Variants in PLEKHB2 observed in about 807,000 individuals in gnomAD.
The protein encoded by PLEKHB2 is pleckstrin homology domain-containing family B member 2.
Under a neutral mutation model 36.5 loss-of-function variants are expected in PLEKHB2, and 31 were observed. The observed-to-expected ratio is 0.85, with a 90% CI of 0.64 to 1.15. PLEKHB2 has a LOEUF of 1.15. Among genes scored for constraint, PLEKHB2 ranks in the 50% most tolerant of loss-of-function variants. The probability of loss-of-function intolerance (pLI) is 0.00; values close to 1 mark genes in which losing one functional copy is unlikely to be tolerated. For missense variants in PLEKHB2, 262 were observed against 295.3 expected (o/e 0.89, Z 0.83); for synonymous variants, 119 against 112.0 (o/e 1.06, Z -0.39).
chr2:131,132,697 C>G (rs1480804932), intron 5 of PLEKHB2, among the ~76,000 whole-genome samples: 1 of 152,176 alleles, frequency 6.6e-6, no homozygotes, highest in Non-Finnish European at 1.5e-5. Flanking sequence ...CGAGTGAGGA[C>G]CACTTTGCTC....
intron 7 of PLEKHB2, among the ~76,000 whole-genome samples, chr2:131,142,884 C>A (rs923264952): frequency 6.6e-6 from 1 of 152,046 alleles, no homozygotes; most frequent in Non-Finnish European, 1.5e-5. Context: ...TTCTCCCCCC[C>A]AACTAGACTC....
intron 6 of PLEKHB2, 36 bp downstream of exon 6, chr2:131,133,027 T>C: frequency 7.2e-7 from 1 of 1,388,026 alleles, no homozygotes; most frequent in Admixed American, 1.7e-5. Context: ...TGAGGGAAGT[T>C]TGGGGTCTCT....
intron 1 of PLEKHB2, chr2:131,107,970 C>T (rs1460236760): frequency 2.0e-5 from 3 of 152,248 alleles, no homozygotes; most frequent in Non-Finnish European, 4.4e-5. Context: ...GGCCAATTCT[C>T]ACTTTTGGAC....
chr2:131,114,954 G>T (rs1487209372), intron 1 of PLEKHB2, among the ~76,000 whole-genome samples: 1 of 152,014 alleles, frequency 6.6e-6, no homozygotes, highest in Non-Finnish European at 1.5e-5. Context: ...GTAGCATTCC[G>T]CTGTACTGGT....
intron 7 of PLEKHB2, among the ~76,000 whole-genome samples, chr2:131,146,211 T>G (rs1372251580): frequency 2.0e-5 from 3 of 152,124 alleles, no homozygotes; most frequent in Non-Finnish European, 4.4e-5. Context: ...TGTGCAGATT[T>G]AAGGCTTAAT....
intron 1 of PLEKHB2, among the ~76,000 whole-genome samples, chr2:131,115,514 C>T (rs970776674): frequency 6.6e-6 from 1 of 151,728 alleles, no homozygotes; most frequent in Non-Finnish European, 1.5e-5. Flanking sequence ...CCACCATGCC[C>T]AGCTAATTTT....
At chr2:131,128,877 C>T (rs767263623) in intron 4 of PLEKHB2, among the ~76,000 whole-genome samples, 2 of 152,182 alleles carry the variant, frequency 1.3e-5, no homozygotes, top group Non-Finnish European at 2.9e-5. Context: ...AGACCAAAGT[C>T]CCTACTAGAC....
chr2:131,130,783 C>T, intron 5 of PLEKHB2, 23 bp downstream of exon 5: 2 of 1,577,598 alleles, frequency 1.3e-6, no homozygotes, highest in Non-Finnish European at 1.7e-6. Context: ...TGGCAATCAC[C>T]AATAATTTTT....
chr2:131,126,306 T>C (rs929416490), intron 3 of PLEKHB2, among the ~76,000 whole-genome samples: 1 of 152,048 alleles, frequency 6.6e-6, no homozygotes, highest in Non-Finnish European at 1.5e-5. Flanking sequence ...GGTGGGTGGA[T>C]CACGAGGGCA....
rs1329947246 is a variant in PLEKHB2, at chr2:131,146,840, AT to A, written c.*70del. The A allele has an allele frequency of 3.6e-6, 5 of 1,372,604 alleles. No individual in the cohort carries two copies. The African/African-American group carries it at 7.3e-5, about 20-fold the overall frequency. 85.0% of individuals were successfully genotyped at this position (1,372,604 alleles called of 1,614,324 possible). Reference sequence around the variant, plus strand: ...TGTGCAATAATATGATTTGCAGGGCATTTCTGTTTGTGACAAAAGTTTTTAA... The same window carrying A: ...TGTGCAATAATATGATTTGCAGGGCATTCTGTTTGTGACAAAAGTTTTTAA... On this transcript the variant is annotated 3_prime_UTR_variant, in exon 8 of 8. Transcript: ENST00000693505.
intron 2 of PLEKHB2, 131 bp from the exon 3 acceptor site, chr2:131,125,622 T>G: frequency 5.9e-6 from 4 of 680,050 alleles, no homozygotes; most frequent in Non-Finnish European, 7.2e-6. Flanking sequence ...GGAGGATTGC[T>G]TGAGCCCAGG....
chr2:131,122,762 C>A (rs1019385755), intron 2 of PLEKHB2, among the ~76,000 whole-genome samples: 1 of 152,166 alleles, frequency 6.6e-6, no homozygotes, highest in Admixed American at 6.6e-5. Flanking sequence ...ACTGTATGTC[C>A]CCTTGTCTGT....
At chr2:131,127,675 A>T (rs993896302) in intron 4 of PLEKHB2, among the ~76,000 whole-genome samples, 8 of 152,272 alleles carry the variant, frequency 5.3e-5, no homozygotes, top group African/African-American at 1.9e-4. Flanking sequence ...TCTCAAGCAC[A>T]AACTACAAAC....
At chr2:131,144,338 A>T in intron 7 of PLEKHB2, 1 of 638,678 alleles carries the variant, frequency 1.6e-6, no homozygotes, top group Non-Finnish European at 2.2e-6. Context: ...CGGCTCTCCT[A>T]TAATGTGGGG....
intron 1 of PLEKHB2, among the ~76,000 whole-genome samples, chr2:131,106,797 A>G (rs1280626901): frequency 6.6e-6 from 1 of 152,192 alleles, no homozygotes; most frequent in Non-Finnish European, 1.5e-5. Context: ...ACTGTGTTGC[A>G]GGGTTTCCCT....
intron 7 of PLEKHB2, among the ~76,000 whole-genome samples, chr2:131,145,437 T>C (rs866250532): frequency 7.9e-5 from 12 of 152,178 alleles, no homozygotes; most frequent in East Asian, 1.9e-4. Flanking sequence ...GCCTCCCAGG[T>C]TCAAGCAATT....
intron 7 of PLEKHB2, among the ~76,000 whole-genome samples, chr2:131,146,078 A>G (rs1001250667): frequency 6.6e-5 from 10 of 152,076 alleles, no homozygotes; most frequent in Non-Finnish European, 1.2e-4. Context: ...GTTACTCAGG[A>G]AACTGAGGTG....
At chr2:131,109,740 T>TA (rs1009442229) in intron 1 of PLEKHB2, among the ~76,000 whole-genome samples, 11 of 151,070 alleles carry the variant, frequency 7.3e-5, no homozygotes, top group East Asian at 1.9e-4. Context: ...AACCTTAGAA[T>TA]AAAAAAAAAT....
chr2:131,134,470 A>G (rs1698037528), intron 6 of PLEKHB2, among the ~76,000 whole-genome samples: 1 of 152,146 alleles, frequency 6.6e-6, no homozygotes, highest in African/African-American at 2.4e-5. Flanking sequence ...GAGGTTTTAT[A>G]ATTATTCTGT....
Sources: allele counts gnomAD v4.1 joint callset (sites outside exome capture counted in the v4.1 genomes callset), GRCh38; gene constraint gnomAD v4.1.1; transcripts MANE v1.5; gene names NCBI Gene and HGNC (gene_info 2026-07-23, HGNC 2026-07-21).